The following CLASP2 variants were observed in gnomAD, a reference collection of about 807,000 sequenced individuals.
CLASP2 encodes CLIP-associating protein 2.
A neutral mutation model predicts 194.4 loss-of-function variants in CLASP2; 47 were observed. The ratio of observed to expected loss-of-function variants is 0.24; its 90% CI spans 0.19 to 0.31. The LOEUF is 0.31. Among genes scored for constraint, CLASP2 ranks in the 10% least tolerant of loss-of-function variants. The probability of loss-of-function intolerance (pLI) is 1.00; values close to 1 mark genes in which losing one functional copy is unlikely to be tolerated. For missense variants in CLASP2, 1,445 were observed against 1,823.6 expected, an observed-to-expected ratio of 0.79 and a Z score of 3.78; for synonymous variants, 619 against 633.5, an observed-to-expected ratio of 0.98 and a Z score of 0.34.
chr3:33,653,236 T>C (rs2083525204), intron 7 of CLASP2, among the ~76,000 whole-genome samples: 1 of 152,182 alleles, frequency 6.6e-6, no homozygotes, highest in African/African-American at 2.4e-5. Flanking sequence ...CATGAAAATA[T>C]GTACCAACCC....
At chr3:33,685,123 C>A (rs918968633) in intron 5 of CLASP2, among the ~76,000 whole-genome samples, 15 of 151,526 alleles carry the variant, frequency 9.9e-5, no homozygotes, top group South Asian at 8.3e-4. Context: ...GGCGGTTCAC[C>A]TGAGGTCAGG....
intron 9 of CLASP2, among the ~76,000 whole-genome samples, chr3:33,628,925 G>A (rs988272065): frequency 3.3e-5 from 5 of 151,838 alleles, no homozygotes; most frequent in African/African-American, 1.2e-4. Flanking sequence ...GAATAAAATG[G>A]AAGAACATCA....
At chr3:33,710,139 T>C (rs1360585465) in intron 1 of CLASP2, among the ~76,000 whole-genome samples, 1 of 152,160 alleles carries the variant, frequency 6.6e-6, no homozygotes, top group Non-Finnish European at 1.5e-5. Context: ...GTAAAGTTTC[T>C]GTAATTACAG....
chr3:33,691,599 A>G (rs1369146451), intron 2 of CLASP2, among the ~76,000 whole-genome samples: 1 of 152,224 alleles, frequency 6.6e-6, no homozygotes, highest in Non-Finnish European at 1.5e-5. Context: ...TTCTTCTCAT[A>G]CATCTTGGAT....
At chr3:33,701,317 C>T (rs1262914935) in intron 1 of CLASP2, among the ~76,000 whole-genome samples, 1 of 152,180 alleles carries the variant, frequency 6.6e-6, no homozygotes, top group Non-Finnish European at 1.5e-5. Flanking sequence ...CTACAGTAAT[C>T]AAGACAATGT....
At chr3:33,558,548 T>C (rs950767495) in intron 29 of CLASP2, 1 of 152,106 alleles carries the variant, frequency 6.6e-6, no homozygotes. Context: ...CAGGAGCTAT[T>C]CTTTTACATT....
chr3:33,635,570 A>C (rs779124147), intron 8 of CLASP2, among the ~76,000 whole-genome samples: 10 of 152,228 alleles, frequency 6.6e-5, no homozygotes, highest in Non-Finnish European at 1.5e-4. Context: ...TAACCAAATA[A>C]ATAAAATGGA....
chr3:33,694,902 T>C (rs2091711559), intron 2 of CLASP2, among the ~76,000 whole-genome samples: 1 of 151,790 alleles, frequency 6.6e-6, no homozygotes, highest in Non-Finnish European at 1.5e-5. Flanking sequence ...ACGATCATAC[T>C]ACTGCACTCC....
chr3:33,535,976 C>A (rs2057258697), intron 33 of CLASP2, among the ~76,000 whole-genome samples: 1 of 150,438 alleles, frequency 6.6e-6, no homozygotes, highest in Non-Finnish European at 1.5e-5. Flanking sequence ...TGGAAGGATG[C>A]CAAAAGAATT....
intron 7 of CLASP2, among the ~76,000 whole-genome samples, chr3:33,656,651 T>C (rs2084268855): frequency 6.6e-6 from 1 of 152,166 alleles, no homozygotes; most frequent in East Asian, 1.9e-4. Context: ...TCTGTGTGTA[T>C]ATACACAAAC....
chr3:33,506,377 C>CAAAAAAAAAAAAAAAAAAAAAAAAAAA lies in CLASP2; in HGVS notation c.4317+4180_4317+4181insTTTTTTTTTTTTTTTTTTTTTTTTTTT, dbSNP rs2048189726. Among the ~76,000 whole-genome samples the CAAAAAAAAAAAAAAAAAAAAAAAAAAA allele has an allele frequency of 1.6e-4, 10 of 61,878 alleles. 5 individuals carry two copies. The highest frequency in any genetic ancestry group is 5.7e-4 in the African/African-American group (10 of 17,542). 40.6% of individuals were successfully genotyped at this position (61,878 alleles called of 152,430 possible). On this transcript the variant is annotated intron_variant, in intron 37 of 38. Transcript: ENST00000682230. ...TGGGTGACAGAGTGAGACTCTGTCT[C>CAAAAAAAAAAAAAAAAAAAAAAAAAAA]GAAAAAAAAAAAAAAAAAAAAAAAA...
chr3:33,644,606 G>T (rs767173981), intron 8 of CLASP2, 151 bp downstream of exon 8: 56 of 767,722 alleles, frequency 7.3e-5, no homozygotes, highest in Non-Finnish European at 1.1e-4. Context: ...ATTTCAAAAG[G>T]GCATCGTATT....
chr3:33,509,490 T>C lies in CLASP2; in HGVS notation c.4317+1068A>G, dbSNP rs191470844. 1.8e-4 allele frequency among the ~76,000 whole-genome samples: 28 copies of C among 152,312 alleles called. No homozygotes were observed. The East Asian group carries it at 3.7e-3, about 20-fold the overall frequency. On this transcript the variant is annotated intron_variant, in intron 37 of 38. Coordinates refer to ENST00000682230, the MANE Select transcript of CLASP2 (RefSeq NM_001365631.1). ...TTGGCCTCCCAAAGTGCTGGTATTA[T>C]AGGTGTGAGCCACTGTGCCCAGCCT...
intron 5 of CLASP2, among the ~76,000 whole-genome samples, chr3:33,685,568 C>T (rs866611146): frequency 4.0e-5 from 6 of 151,840 alleles, no homozygotes; most frequent in African/African-American, 1.5e-4. Flanking sequence ...TGTCCATCCA[C>T]AGATAAATGG....
At chr3:33,551,931 G>A (rs1032089395) in intron 29 of CLASP2, among the ~76,000 whole-genome samples, 1 of 151,148 alleles carries the variant, frequency 6.6e-6, no homozygotes, top group African/African-American at 2.4e-5. Flanking sequence ...ATCAAGGTGG[G>A]CAATATAGTT....
Position 33,498,596 on chromosome 3 carries a change from CTTTT to C in CLASP2, c.*31_*34del. 6.9e-7 allele frequency: 1 copy of C among 1,446,658 alleles called. No individual in the cohort carries two copies. The highest frequency in any genetic ancestry group is 9.7e-7 in the Non-Finnish European group (1 of 1,032,278). The allele number at this position is 1,446,658 out of a possible 1,614,324, so 89.6% of individuals were successfully genotyped here. A position where few individuals can be genotyped will look rare whatever the true frequency, so the allele number is the denominator to read the frequency against. ...GATGAGGGTGGTCTATCTGTCCTTT[CTTTT>C]GAGAGACCTGGTTCGCTGTGATGAG... is the stretch of plus-strand genomic sequence containing the variant. On this transcript the variant is annotated 3_prime_UTR_variant, in exon 39 of 39. Coordinates refer to ENST00000682230, the MANE Select transcript of CLASP2 (RefSeq NM_001365631.1).
intron 36 of CLASP2, among the ~76,000 whole-genome samples, chr3:33,514,213 C>T (rs1384475781): frequency 1.3e-5 from 2 of 152,142 alleles, no homozygotes; most frequent in Admixed American, 6.5e-5. Context: ...GTCTCGAACT[C>T]CTGACCTCAA....
chr3:33,609,407 A>C (rs1016653699), intron 13 of CLASP2, among the ~76,000 whole-genome samples: 5 of 152,230 alleles, frequency 3.3e-5, no homozygotes, highest in African/African-American at 1.2e-4. Context: ...TGGATCTTTC[A>C]TCTTTACACT....
chr3:33,673,831 C>G (rs1283232482), intron 6 of CLASP2, among the ~76,000 whole-genome samples: 2 of 152,024 alleles, frequency 1.3e-5, no homozygotes, highest in Non-Finnish European at 2.9e-5. Flanking sequence ...CAACAAAGAT[C>G]AAAAGAGACA....
Sources: gnomAD v4.1 joint callset for allele counts (sites outside exome capture counted in the v4.1 genomes callset) on GRCh38, gnomAD v4.1.1 for gene constraint, MANE v1.5 for transcripts, NCBI Gene and HGNC (gene_info 2026-07-23, HGNC 2026-07-21) for gene names.